The following CDH13 variants were observed in gnomAD, a reference collection of about 807,000 sequenced individuals.
CDH13 encodes the protein cadherin 13, also known as cadherin-13.
Under a neutral mutation model 63.8 loss-of-function variants are expected in CDH13, and 24 were observed. The ratio of observed to expected loss-of-function variants is 0.38; its 90% confidence interval spans 0.27 to 0.53. The LOEUF (loss-of-function observed/expected upper bound fraction) is 0.53. CDH13 is among the 20% of genes least tolerant of loss of function. The pLI, the probability that CDH13 is intolerant of heterozygous loss-of-function variation, is 0.85. For synonymous variants in CDH13, 503 were observed against 355.3 expected (o/e 1.42, Z -4.67); for missense variants, 1,049 against 903.1 (o/e 1.16, Z -2.07).
chr16:82,891,756 A>G (rs1488495972), intron 2 of CDH13, among the ~76,000 whole-genome samples: 1 of 152,164 alleles, frequency 6.6e-6, no homozygotes, highest in Non-Finnish European at 1.5e-5. Flanking sequence ...GGGTTTCCAT[A>G]GGACCAGGCA....
At chr16:83,297,195 A>G (rs1403600097) in intron 5 of CDH13, among the ~76,000 whole-genome samples, 2 of 152,154 alleles carry the variant, frequency 1.3e-5, no homozygotes, top group Non-Finnish European at 2.9e-5. Context: ...TCATTATTAT[A>G]TTGTGTATCT....
chr16:83,785,122 C>T (rs931283762), intron 13 of CDH13, among the ~76,000 whole-genome samples: 1 of 152,158 alleles, frequency 6.6e-6, no homozygotes, highest in Non-Finnish European at 1.5e-5. Context: ...TTGGGCTAAA[C>T]GTTGAGCAGG....
chr16:83,745,267 C>A lies in CDH13; in HGVS notation c.1539-2841C>A, dbSNP rs145756562. Among the ~76,000 whole-genome samples, 19 of 152,286 alleles carry A rather than the reference C, an allele frequency of 1.2e-4. 1 individual carries two copies. The East Asian group carries it at 3.7e-3, about 29-fold the overall frequency. ...AAGCATCAGCAGGAGCCTCTCCTGG[C>A]GTCCTTCTGCAGTTTGGGGGTCTGG... is the stretch of plus-strand genomic sequence containing the variant. On this transcript the variant is annotated intron_variant, in intron 10 of 13. Transcript: ENST00000567109.
chr16:83,755,153 G>C (rs1191420514), intron 11 of CDH13, among the ~76,000 whole-genome samples: 1 of 152,096 alleles, frequency 6.6e-6, no homozygotes, highest in East Asian at 1.9e-4. Context: ...AAATCTTTAA[G>C]AAGGAATCAG....
At chr16:83,525,978 C>T (rs1265457226) in intron 7 of CDH13, among the ~76,000 whole-genome samples, 4 of 152,210 alleles carry the variant, frequency 2.6e-5, no homozygotes, top group Non-Finnish European at 5.9e-5. Context: ...GAAAGGAGTG[C>T]AGCCCTTCCA....
intron 7 of CDH13, among the ~76,000 whole-genome samples, chr16:83,576,669 ATTTT>A (rs1905106312): frequency 6.6e-6 from 1 of 151,966 alleles, no homozygotes; most frequent in Non-Finnish European, 1.5e-5. Context: ...AGCCCTTGCT[ATTTT>A]CTGTTGTTGC....
At chr16:82,899,145 A>G (rs548490303) in intron 2 of CDH13, among the ~76,000 whole-genome samples, 244 of 152,342 alleles carry the variant, frequency 1.6e-3, no homozygotes, top group African/African-American at 5.6e-3. Context: ...CTTTACTGCA[A>G]GCTCAGTCCA....
intron 1 of CDH13, among the ~76,000 whole-genome samples, chr16:82,671,236 A>T (rs1376422342): frequency 6.6e-6 from 1 of 152,256 alleles, no homozygotes; most frequent in East Asian, 1.9e-4. Context: ...TCACAAATGA[A>T]GAAGGCAACA....
rs74031910 is a variant in CDH13, at chr16:83,253,062, G to A, written c.636+35565G>A. Among the ~76,000 whole-genome samples, 369 of 152,284 alleles carry A rather than the reference G, an allele frequency of 2.4e-3. 1 individual carries two copies. The highest frequency in any genetic ancestry group is 8.5e-3 in the African/African-American group (352 of 41,552). On this transcript the variant is annotated intron_variant, in intron 5 of 13. Coordinates refer to ENST00000567109, the MANE Select transcript of CDH13 (RefSeq NM_001257.5). ...TAGCACAGCACCTGGCACAGAGTAAGTACTCAATAAATAGTGGAGATTGTA... is the reference window on the plus strand; with the variant it reads ...TAGCACAGCACCTGGCACAGAGTAAATACTCAATAAATAGTGGAGATTGTA...
intron 6 of CDH13, among the ~76,000 whole-genome samples, chr16:83,346,808 TTAGA>T (rs1054894176): frequency 6.6e-6 from 1 of 152,250 alleles, no homozygotes; most frequent in African/African-American, 2.4e-5. Flanking sequence ...TGTGTATTTT[TTAGA>T]TAGAGTTCTT....
At chr16:83,577,404 C>G (rs996718498) in intron 7 of CDH13, among the ~76,000 whole-genome samples, 3 of 152,224 alleles carry the variant, frequency 2.0e-5, no homozygotes, top group African/African-American at 7.2e-5. Flanking sequence ...GGTTCCCTCC[C>G]CAGCAGCTGT....
chr16:83,496,995 C>G (rs867988939), intron 7 of CDH13, among the ~76,000 whole-genome samples: 2 of 152,132 alleles, frequency 1.3e-5, no homozygotes, highest in East Asian at 1.9e-4. Flanking sequence ...GGCGATCATT[C>G]AAATGTCAGG....
At chr16:83,722,344 A>T (rs1425252968) in intron 10 of CDH13, among the ~76,000 whole-genome samples, 1 of 152,190 alleles carries the variant, frequency 6.6e-6, no homozygotes, top group East Asian at 1.9e-4. Flanking sequence ...CACAAAGGGG[A>T]TCCCTGTTAT....
intron 1 of CDH13, among the ~76,000 whole-genome samples, chr16:82,636,214 C>A (rs1908636421): frequency 6.6e-6 from 1 of 152,166 alleles, no homozygotes; most frequent in Non-Finnish European, 1.5e-5. Context: ...TCTGACTCTT[C>A]CAATTGGCAG....
intron 6 of CDH13, among the ~76,000 whole-genome samples, chr16:83,420,451 G>A (rs1373105422): frequency 2.0e-5 from 3 of 152,142 alleles, no homozygotes; most frequent in Non-Finnish European, 4.4e-5. Flanking sequence ...ATAGATCTCT[G>A]GGCAGAGACC....
At chr16:82,665,099 A>C (rs1259569117) in intron 1 of CDH13, among the ~76,000 whole-genome samples, 1 of 152,176 alleles carries the variant, frequency 6.6e-6, no homozygotes, top group Non-Finnish European at 1.5e-5. Context: ...GTGCATTCAA[A>C]CTAGGTGAGA....
At chr16:83,225,595 C>G (rs749955486) in intron 5 of CDH13, among the ~76,000 whole-genome samples, 5 of 152,168 alleles carry the variant, frequency 3.3e-5, no homozygotes, top group African/African-American at 4.8e-5. Context: ...GTCGGCAGAA[C>G]CAGCTTTATC....
chr16:83,108,111 G>T (rs1057037970), intron 3 of CDH13, among the ~76,000 whole-genome samples: 1 of 152,072 alleles, frequency 6.6e-6, no homozygotes, highest in Non-Finnish European at 1.5e-5. Context: ...ATGAGCCACC[G>T]CGCCCAGCCC....
chr16:83,515,145 T>C (rs1365410736), intron 7 of CDH13, among the ~76,000 whole-genome samples: 1 of 152,162 alleles, frequency 6.6e-6, no homozygotes, highest in Non-Finnish European at 1.5e-5. Flanking sequence ...TCCATGTTTC[T>C]GAGCTCTCTT....
Sources: allele counts gnomAD v4.1 joint callset (sites outside exome capture counted in the v4.1 genomes callset), GRCh38; gene constraint gnomAD v4.1.1; transcripts MANE v1.5; gene names NCBI Gene and HGNC (gene_info 2026-07-23, HGNC 2026-07-21).